DNER: variants seen among roughly 807,000 people sequenced by gnomAD.
DNER encodes the protein delta/notch like EGF repeat containing.
A neutral mutation model predicts 78.2 loss-of-function variants in DNER; 33 were observed. That is an observed-to-expected ratio of 0.42 (90% confidence interval 0.32 to 0.56). The LOEUF (loss-of-function observed/expected upper bound fraction) is 0.56, where lower values mean the gene tolerates loss of function less well. Among genes scored for constraint, DNER ranks in the 20% least tolerant of loss-of-function variants. The pLI, the probability that DNER is intolerant of heterozygous loss-of-function variation, is 0.11. For synonymous variants in DNER, 417 were observed against 384.8 expected, an observed-to-expected ratio of 1.08 and a Z score of -0.98; for missense variants, 918 against 975.3, an observed-to-expected ratio of 0.94 and a Z score of 0.78.
At chr2:229,577,802 A>G (rs569540812) in intron 4 of DNER, among the ~76,000 whole-genome samples, 1 of 152,380 alleles carries the variant, frequency 6.6e-6, no homozygotes, top group South Asian at 2.1e-4. Context: ...GAGTTAACAC[A>G]TTTTAAAGAA....
chr2:229,588,626 G>T, intron 2 of DNER, 138 bp from the exon 3 acceptor site: 1 of 668,136 alleles, frequency 1.5e-6, no homozygotes, highest in Non-Finnish European at 2.5e-6. Context: ...AGATGAAGAA[G>T]TGAAGCCTTA....
At chr2:229,657,322 A>AT (rs1171534042) in intron 1 of DNER, among the ~76,000 whole-genome samples, 1 of 152,034 alleles carries the variant, frequency 6.6e-6, no homozygotes, top group Admixed American at 6.6e-5. Context: ...GGATTTCCTC[A>AT]TTTTTTTGTG....
chr2:229,447,598 A>G (rs891273018), intron 7 of DNER, 58 bp from the exon 8 acceptor site: 20 of 1,525,340 alleles, frequency 1.3e-5, no homozygotes, highest in Non-Finnish European at 1.8e-5. Flanking sequence ...CATAATAACT[A>G]ATCAACTGAG....
intron 1 of DNER, among the ~76,000 whole-genome samples, chr2:229,649,667 T>C (rs1191766571): frequency 6.6e-6 from 1 of 152,202 alleles, no homozygotes; most frequent in Admixed American, 6.5e-5. Flanking sequence ...GTTTTGTATT[T>C]ATAACCTACA....
At chr2:229,374,011 CA>C (rs1692547006) in intron 11 of DNER, among the ~76,000 whole-genome samples, 1 of 151,938 alleles carries the variant, frequency 6.6e-6, no homozygotes, top group Non-Finnish European at 1.5e-5. Flanking sequence ...ACTAAAAATA[CA>C]AAAAAAGTAG....
chr2:229,503,681 G>C (rs1695672524), intron 6 of DNER, among the ~76,000 whole-genome samples: 2 of 152,196 alleles, frequency 1.3e-5, no homozygotes, highest in Admixed American at 6.5e-5. Flanking sequence ...GATAACTAAT[G>C]ACTGAATAGG....
intron 7 of DNER, among the ~76,000 whole-genome samples, chr2:229,470,987 G>A (rs1337943206): frequency 6.6e-6 from 1 of 152,106 alleles, no homozygotes; most frequent in Non-Finnish European, 1.5e-5. Context: ...TGGTGATTTA[G>A]GGATAATGCC....
At chr2:229,639,293 C>T (rs991382833) in intron 1 of DNER, among the ~76,000 whole-genome samples, 7 of 152,318 alleles carry the variant, frequency 4.6e-5, no homozygotes, top group Middle Eastern at 3.4e-3. Context: ...CTCACTCTGT[C>T]ACCCAGGTTG....
chr2:229,509,995 A>T (rs1574877001), intron 6 of DNER, among the ~76,000 whole-genome samples: 1 of 152,148 alleles, frequency 6.6e-6, no homozygotes, highest in African/African-American at 2.4e-5. Context: ...GAAAAGGGAC[A>T]TTTAATAGAG....
chr2:229,583,431 G>C (rs1697436908), intron 4 of DNER, among the ~76,000 whole-genome samples: 1 of 152,148 alleles, frequency 6.6e-6, no homozygotes, highest in Non-Finnish European at 1.5e-5. Context: ...ATTGAATACT[G>C]TATTGAAAGT....
chr2:229,461,549 C>T (rs925436016), intron 7 of DNER, among the ~76,000 whole-genome samples: 2 of 151,532 alleles, frequency 1.3e-5, no homozygotes, highest in Non-Finnish European at 2.9e-5. Context: ...ATATGAAAAA[C>T]GATAGATAGG....
At chr2:229,705,551 T>G (rs1460016114) in intron 1 of DNER, among the ~76,000 whole-genome samples, 1 of 152,098 alleles carries the variant, frequency 6.6e-6, no homozygotes, top group African/African-American at 2.4e-5. Flanking sequence ...TGGTGCTCAC[T>G]TTGAAAGTCA....
chr2:229,602,698 A>G (rs1697853362), intron 1 of DNER, among the ~76,000 whole-genome samples: 1 of 152,220 alleles, frequency 6.6e-6, no homozygotes, highest in Non-Finnish European at 1.5e-5. Flanking sequence ...TCAAAGGTAC[A>G]GTTTATAATA....
chr2:229,636,317 C>A (rs1018803979), intron 1 of DNER, among the ~76,000 whole-genome samples: 6 of 152,224 alleles, frequency 3.9e-5, no homozygotes, highest in Non-Finnish European at 8.8e-5. Context: ...TGGTTGCAAG[C>A]CAAGCCAGTG....
At chr2:229,706,706 A>G (rs1480941959) in intron 1 of DNER, among the ~76,000 whole-genome samples, 1 of 152,184 alleles carries the variant, frequency 6.6e-6, no homozygotes, top group Non-Finnish European at 1.5e-5. Context: ...ATCCTTGGAC[A>G]CTGAAATCTG....
At chr2:229,464,733 G>T (rs1400040297) in intron 7 of DNER, among the ~76,000 whole-genome samples, 11 of 152,136 alleles carry the variant, frequency 7.2e-5, no homozygotes, top group Non-Finnish European at 4.4e-5. Context: ...TTGAAGCAGG[G>T]TGCGGTGGGT....
chr2:229,461,155 T>A (rs1014118697), intron 7 of DNER, among the ~76,000 whole-genome samples: 13 of 152,072 alleles, frequency 8.5e-5, no homozygotes, highest in Admixed American at 3.9e-4. Flanking sequence ...TAAACCAATA[T>A]TCTCATTCAC....
chr2:229,531,055 T>C (rs1696291246), intron 5 of DNER, among the ~76,000 whole-genome samples: 1 of 152,192 alleles, frequency 6.6e-6, no homozygotes, highest in African/African-American at 2.4e-5. Flanking sequence ...TACCATCTTC[T>C]CTGAATTTGC....
At chr2:229,597,678 G>C (rs2075257) in intron 1 of DNER, among the ~76,000 whole-genome samples, 55,374 of 151,934 alleles carry the variant, frequency 0.36, 10,243 homozygotes, top group East Asian at 0.5. Context: ...ATAATAAAGA[G>C]GAAAGAGAAA....
Sources: allele counts gnomAD v4.1 joint callset (sites outside exome capture counted in the v4.1 genomes callset), GRCh38; gene constraint gnomAD v4.1.1; transcripts MANE v1.5; gene names NCBI Gene and HGNC (gene_info 2026-07-23, HGNC 2026-07-21).